Variants in NALF1 observed in about 807,000 individuals in gnomAD.
NALF1 encodes family with sequence similarity 155 member A.
A neutral mutation model predicts 48.4 loss-of-function variants in NALF1; 3 were observed. The observed-to-expected ratio is 0.06, with a 90% CI of 0.03 to 0.16. The LOEUF is 0.16. Among genes scored for constraint, NALF1 ranks in the 10% least tolerant of loss-of-function variants. NALF1 has a pLI of 1.00. For synonymous variants in NALF1, 262 were observed against 245.7 expected, an observed-to-expected ratio of 1.07 and a Z score of -0.62; for missense variants, 526 against 571.5, an observed-to-expected ratio of 0.92 and a Z score of 0.81.
chr13:107,287,426 G>T (rs114124787), intron 1 of NALF1, among the ~76,000 whole-genome samples: 2,332 of 152,230 alleles, frequency 0.015, 67 homozygotes, highest in African/African-American at 0.053. Context: ...GGCCTCCTGT[G>T]CCTCTTCATT....
At chr13:107,610,997 G>C (rs1879209509) in intron 1 of NALF1, among the ~76,000 whole-genome samples, 1 of 152,160 alleles carries the variant, frequency 6.6e-6, no homozygotes, top group Non-Finnish European at 1.5e-5. Context: ...TAGGAAGGTG[G>C]AAGGAGAGAA....
At chr13:107,644,638 C>CATATATATATATATATATATAT (rs1170442694) in intron 1 of NALF1, among the ~76,000 whole-genome samples, 7 of 43,368 alleles carry the variant, frequency 1.6e-4, no homozygotes, top group Admixed American at 1.4e-3. Context: ...TACATACATA[C>CATATATATATATATATATATAT]ATACATACAT....
chr13:107,583,812 G>A (rs542861046), intron 1 of NALF1, among the ~76,000 whole-genome samples: 1 of 152,102 alleles, frequency 6.6e-6, no homozygotes, highest in African/African-American at 2.4e-5. Context: ...TTACTGTCTA[G>A]CAAAATACCC....
rs1883823111 is a variant in NALF1, at chr13:107,402,303, C to T, written c.916-191548G>A. Among the ~76,000 whole-genome samples, 2 of 152,230 alleles carry T rather than the reference C, an allele frequency of 1.3e-5. 1 individual carries two copies. Among genetic ancestry groups the T allele is most frequent in the Middle Eastern group, 6.8e-3 (2 of 294 alleles). On this transcript the variant is annotated intron_variant, in intron 1 of 2. Transcript: ENST00000375915. Reference sequence around the variant, plus strand: ...ACAACTGAAGATCTTAGTCCAACTACCCAGAAGAACCAAAATCCTGCTAGC... The same window carrying T: ...ACAACTGAAGATCTTAGTCCAACTATCCAGAAGAACCAAAATCCTGCTAGC...
intron 1 of NALF1, among the ~76,000 whole-genome samples, chr13:107,848,280 T>C (rs1472855556): frequency 1.3e-5 from 2 of 152,296 alleles, no homozygotes; most frequent in African/African-American, 2.4e-5. Flanking sequence ...GGTAGGTACA[T>C]GATCAAAGAG....
chr13:107,211,769 A>G (rs1879766753), intron 1 of NALF1, among the ~76,000 whole-genome samples: 1 of 152,196 alleles, frequency 6.6e-6, no homozygotes, highest in African/African-American at 2.4e-5. Context: ...CGCAGCAGTT[A>G]AAGGTAGCCT....
chr13:107,505,396 C>A (rs1003801646), intron 1 of NALF1, among the ~76,000 whole-genome samples: 5 of 152,086 alleles, frequency 3.3e-5, no homozygotes, highest in African/African-American at 1.2e-4. Flanking sequence ...GAGAATGGTA[C>A]ATAGTCTATT....
intron 2 of NALF1, among the ~76,000 whole-genome samples, chr13:107,207,277 C>G (rs1031887940): frequency 1.1e-4 from 16 of 151,848 alleles, no homozygotes; most frequent in African/African-American, 3.9e-4. Context: ...TATAACTACA[C>G]TGGTCTTTTT....
At chr13:107,752,198 A>G (rs1372283389) in intron 1 of NALF1, among the ~76,000 whole-genome samples, 1 of 152,116 alleles carries the variant, frequency 6.6e-6, no homozygotes, top group Non-Finnish European at 1.5e-5. Flanking sequence ...CCTTTCTTCT[A>G]CAATAGATTG....
intron 1 of NALF1, among the ~76,000 whole-genome samples, chr13:107,606,777 T>C (rs534630454): frequency 6.6e-6 from 1 of 152,274 alleles, no homozygotes; most frequent in South Asian, 2.1e-4. Flanking sequence ...AGTGAGTTGG[T>C]TGGTTGGTTG....
At chr13:107,493,239 T>G (rs991640957) in intron 1 of NALF1, among the ~76,000 whole-genome samples, 1 of 152,028 alleles carries the variant, frequency 6.6e-6, no homozygotes, top group African/African-American at 2.4e-5. Context: ...ATGAATGAAA[T>G]GGAAAAGGAG....
intron 1 of NALF1, among the ~76,000 whole-genome samples, chr13:107,608,390 T>A (rs778698452): frequency 6.6e-6 from 1 of 152,056 alleles, no homozygotes; most frequent in Admixed American, 6.5e-5. Context: ...CTATTGCAAG[T>A]TGGAGGAGAA....
At chr13:107,172,336 T>C (rs974735531) in intron 2 of NALF1, among the ~76,000 whole-genome samples, 2 of 152,244 alleles carry the variant, frequency 1.3e-5, no homozygotes, top group African/African-American at 4.8e-5. Context: ...TTTAAAAGCA[T>C]AAACTATACA....
chr13:107,381,364 C>G (rs1883436200), intron 1 of NALF1, among the ~76,000 whole-genome samples: 1 of 151,762 alleles, frequency 6.6e-6, no homozygotes, highest in Non-Finnish European at 1.5e-5. Flanking sequence ...CTACACCCAA[C>G]TATTTTATTT....
chr13:107,374,814 C>A (rs1883308596), intron 1 of NALF1, among the ~76,000 whole-genome samples: 1 of 152,096 alleles, frequency 6.6e-6, no homozygotes, highest in African/African-American at 2.4e-5. Flanking sequence ...ACTCTCTCTC[C>A]CATGTTATGC....
chr13:107,276,059 A>G (rs966318946), intron 1 of NALF1, among the ~76,000 whole-genome samples: 2 of 152,260 alleles, frequency 1.3e-5, no homozygotes, highest in Admixed American at 1.3e-4. Flanking sequence ...TCCAAGAGAA[A>G]GACCAACTGG....
chr13:107,382,393 C>T (rs1308445023), intron 1 of NALF1, among the ~76,000 whole-genome samples: 2 of 152,166 alleles, frequency 1.3e-5, no homozygotes, highest in Admixed American at 1.3e-4. Flanking sequence ...ACAAACCTAT[C>T]ATCTTTAATG....
At chr13:107,352,819 T>C (rs9555348) in intron 1 of NALF1, among the ~76,000 whole-genome samples, 33,591 of 152,032 alleles carry the variant, frequency 0.22, 4,052 homozygotes, top group East Asian at 0.38. Flanking sequence ...AGAGACCTTT[T>C]CTTTGAGATT....
At position 107,852,311 on chromosome 13, in the gene NALF1, G is replaced by T. The variant is rs1344078001; in HGVS notation, c.915+13371C>A. Among the ~76,000 whole-genome samples, 6 of 152,010 alleles carry T rather than the reference G, an allele frequency of 3.9e-5. No individual in the cohort carries two copies. In the East Asian group the frequency reaches 9.6e-4, roughly 24 times the overall value. ...CCTTTTTAAACTAGGTGCACTGTGG[G>T]ACACCTTTTATCTCAGTGCCTAAAT... On this transcript the variant is annotated intron_variant, in intron 1 of 2. Transcript: ENST00000375915.
Sources: gnomAD v4.1 joint callset for allele counts (sites outside exome capture counted in the v4.1 genomes callset) on GRCh38, gnomAD v4.1.1 for gene constraint, MANE v1.5 for transcripts, NCBI Gene and HGNC (gene_info 2026-07-23, HGNC 2026-07-21) for gene names.